Variants in NELL1 observed in about 807,000 individuals in gnomAD.
The protein encoded by NELL1 is protein kinase C-binding protein NELL1.
Under a neutral mutation model 107.4 loss-of-function variants are expected in NELL1, and 76 were observed. The ratio of observed to expected loss-of-function variants is 0.71; its 90% CI spans 0.59 to 0.86. NELL1 has a LOEUF of 0.86. NELL1 is among the 40% of genes least tolerant of loss of function. NELL1 has a pLI of 0.00. For missense variants in NELL1, 1,024 were observed against 1,005.5 expected (o/e 1.02, Z -0.25); for synonymous variants, 353 against 341.2 (o/e 1.03, Z -0.38).
At chr11:21,254,226 ATG>A (rs1307336623) in intron 14 of NELL1, among the ~76,000 whole-genome samples, 1 of 152,110 alleles carries the variant, frequency 6.6e-6, no homozygotes, top group Non-Finnish European at 1.5e-5. Context: ...AAAATAATAA[ATG>A]TGTCTCTGTG....
rs997869546 is a variant in NELL1, at chr11:20,875,936, C to T, written c.507-9508C>T. Among the ~76,000 whole-genome samples the T allele has an allele frequency of 2.2e-4, 33 of 152,182 alleles. 1 individual carries two copies. Among genetic ancestry groups the T allele is most frequent in the Admixed American group, 2.0e-3 (30 of 15,274 alleles). The stretch of plus-strand genomic sequence containing the variant: ...TCCTAAGGGGATGAAGCAGGTCACA[C>T]GCAGGCTTGATCTCTGAGAAGACCT... On this transcript the variant is annotated intron_variant, in intron 4 of 19. Transcript: ENST00000357134.
intron 12 of NELL1, among the ~76,000 whole-genome samples, chr11:20,970,042 T>C (rs1290879284): frequency 6.8e-6 from 1 of 146,796 alleles, no homozygotes; most frequent in East Asian, 2.0e-4. Context: ...AAATATCTAA[T>C]CTATCTCTCT....
intron 3 of NELL1, among the ~76,000 whole-genome samples, chr11:20,790,464 C>T (rs1857051441): frequency 6.6e-6 from 1 of 152,232 alleles, no homozygotes; most frequent in South Asian, 2.1e-4. Context: ...GCAGTAGGAG[C>T]AGGCATTTCT....
intron 13 of NELL1, among the ~76,000 whole-genome samples, chr11:21,159,067 C>A (rs535747480): frequency 2.0e-5 from 3 of 152,212 alleles, no homozygotes; most frequent in African/African-American, 7.2e-5. Context: ...AGACCAAGAT[C>A]CTAACTCAAT....
chr11:20,725,709 G>C (rs544560556), intron 2 of NELL1, among the ~76,000 whole-genome samples: 1 of 152,172 alleles, frequency 6.6e-6, no homozygotes, highest in Non-Finnish European at 1.5e-5. Context: ...CTAGGAATTA[G>C]TTTTGATGTT....
At chr11:20,784,166 A>G (rs1262677176) in intron 3 of NELL1, among the ~76,000 whole-genome samples, 3 of 152,216 alleles carry the variant, frequency 2.0e-5, no homozygotes, top group African/African-American at 7.2e-5. Flanking sequence ...TTATGTGGGG[A>G]TTATACTTGA....
At chr11:21,475,500 C>G (rs547270941) in intron 15 of NELL1, among the ~76,000 whole-genome samples, 1 of 152,140 alleles carries the variant, frequency 6.6e-6, no homozygotes, top group Non-Finnish European at 1.5e-5. Context: ...TCTGGCCAAT[C>G]CCCTATGAGT....
In NELL1 at chr11:21,573,400, T is replaced by C. The variant is rs1348993378; in HGVS notation, c.2373T>C (p.Cys791=). ...TGGCTGGATCTCCCTGCACAACCTG[T>C]AAATGCAAGGTAATTGGATGTTCTG... ...WTMAGSPCTT[C]KCKNGRVCCS... Residue 791 remains cysteine, a synonymous_variant, in exon 19 of 20, where the codon TGT becomes TGC. Coordinates refer to ENST00000357134, the MANE Select transcript of NELL1 (RefSeq NM_006157.5). 6.2e-7 allele frequency: 1 copy of C among 1,611,328 alleles called. No individual in the cohort carries two copies.
chr11:21,095,983 A>G (rs1565056963), intron 12 of NELL1, among the ~76,000 whole-genome samples: 1 of 152,064 alleles, frequency 6.6e-6, no homozygotes, highest in East Asian at 1.9e-4. Context: ...AAACCATCAG[A>G]TCTCATAAGA....
At chr11:20,912,527 G>A (rs1162844387) in intron 5 of NELL1, among the ~76,000 whole-genome samples, 1 of 152,118 alleles carries the variant, frequency 6.6e-6, no homozygotes, top group Admixed American at 6.6e-5. Flanking sequence ...AAGTTATAAG[G>A]ATGCTTCAGG....
chr11:20,871,745 C>T (rs975368177), intron 4 of NELL1, among the ~76,000 whole-genome samples: 97 of 152,094 alleles, frequency 6.4e-4, no homozygotes, highest in Non-Finnish European at 6.5e-4. Context: ...CCCTGCTGGG[C>T]GTGGTGGCTC....
At chr11:20,920,382 C>T (rs767049943) in intron 7 of NELL1, among the ~76,000 whole-genome samples, 1 of 152,064 alleles carries the variant, frequency 6.6e-6, no homozygotes, top group Non-Finnish European at 1.5e-5. Flanking sequence ...ATGGATTGTG[C>T]TGCTGAAGAC....
At chr11:21,429,770 T>C (rs554509990) in intron 15 of NELL1, among the ~76,000 whole-genome samples, 69 of 152,176 alleles carry the variant, frequency 4.5e-4, no homozygotes, top group Non-Finnish European at 5.9e-4. Flanking sequence ...GTCTATAACA[T>C]AAATTGACAA....
intron 10 of NELL1, among the ~76,000 whole-genome samples, chr11:20,942,257 A>G (rs1374550350): frequency 6.6e-6 from 1 of 152,108 alleles, no homozygotes; most frequent in Non-Finnish European, 1.5e-5. Flanking sequence ...GAACCTCCCT[A>G]TTTTGATTCC....
intron 12 of NELL1, among the ~76,000 whole-genome samples, chr11:21,085,870 A>AGG (rs1188535864): frequency 6.6e-6 from 1 of 152,166 alleles, no homozygotes; most frequent in Non-Finnish European, 1.5e-5. Flanking sequence ...TAAGGAAGAG[A>AGG]GGGGTATGAC....
chr11:20,930,327 G>T (rs75634437), intron 9 of NELL1, among the ~76,000 whole-genome samples: 1 of 152,172 alleles, frequency 6.6e-6, no homozygotes, highest in African/African-American at 2.4e-5. Flanking sequence ...AGGTTGTATT[G>T]TGTGGGCAAT....
chr11:21,564,447 G>A (rs1450673892), intron 17 of NELL1, among the ~76,000 whole-genome samples: 2 of 151,908 alleles, frequency 1.3e-5, no homozygotes, highest in African/African-American at 4.8e-5. Flanking sequence ...GGATTCAGGT[G>A]CCATTACATA....
At position 21,299,773 on chromosome 11, in the gene NELL1, GCTGTCCTCTAAGAAGACTTTATTTA is replaced by G. The variant is rs1203300589; in HGVS notation, c.1549+70320_1549+70344del. Reference sequence around the variant, plus strand: ...TAGATAATATGTAGACTAATAAGTGGCTGTCCTCTAAGAAGACTTTATTTATGGACATTGTAATTTATATTTTGAA... The same window carrying G: ...TAGATAATATGTAGACTAATAAGTGGTGGACATTGTAATTTATATTTTGAA... On this transcript the variant is annotated intron_variant, in intron 14 of 19. Transcript: ENST00000357134. Among the ~76,000 whole-genome samples the G allele has an allele frequency of 2.6e-5, 4 of 151,976 alleles. No individual in the cohort carries two copies. In the South Asian group the frequency reaches 8.3e-4, roughly 32 times the overall value.
intron 14 of NELL1, among the ~76,000 whole-genome samples, chr11:21,344,845 T>C (rs1431591082): frequency 6.7e-6 from 1 of 149,654 alleles, no homozygotes; most frequent in African/African-American, 2.5e-5. Flanking sequence ...TAGTTGTTGT[T>C]TTATGAGCAC....
Sources: allele counts gnomAD v4.1 joint callset (sites outside exome capture counted in the v4.1 genomes callset), GRCh38; gene constraint gnomAD v4.1.1; transcripts MANE v1.5; gene names NCBI Gene and HGNC (gene_info 2026-07-23, HGNC 2026-07-21).